CMSS1: variants seen among roughly 807,000 people sequenced by gnomAD.
CMSS1 encodes the protein cms1 ribosomal small subunit homolog, also known as protein CMSS1.
A neutral mutation model predicts 43.5 loss-of-function variants in CMSS1; 33 were observed. That is an observed-to-expected ratio of 0.76 (90% CI 0.57 to 1.01). The LOEUF is 1.01. Ranked by LOEUF, CMSS1 falls within the 50% of genes least tolerant of loss-of-function variation. The pLI is 0.00. For synonymous variants in CMSS1, 115 were observed against 117.2 expected (o/e 0.98, Z 0.12); for missense variants, 313 against 326.4 (o/e 0.96, Z 0.32).
In CMSS1 at chr3:99,818,039, C is replaced by G. The variant is rs749072696; in HGVS notation, c.60C>G (p.Ser20Arg). 1 of 1,613,528 alleles carries G rather than the reference C, an allele frequency of 6.2e-7. No individual in the cohort carries two copies. The highest frequency in any genetic ancestry group is 8.5e-7 in the Non-Finnish European group (1 of 1,179,870). Residue 20 changes from serine (S) to arginine (R), a missense_variant, in exon 1 of 10, where the codon AGC becomes AGG. Transcript: ENST00000421999. ...ACCAGCCGACTGGAGCAGGCAGCAGCCCAGGTACCCACTCTGTGCCCGCGC... is the reference window on the plus strand; with the variant it reads ...ACCAGCCGACTGGAGCAGGCAGCAGGCCAGGTACCCACTCTGTGCCCGCGC... ...WENQPTGAGS[S>R]PEASDGEGEG...
chr3:99,839,492 G>A (rs1943036657), intron 1 of CMSS1, among the ~76,000 whole-genome samples: 1 of 152,086 alleles, frequency 6.6e-6, no homozygotes, highest in Non-Finnish European at 1.5e-5. Context: ...CTTTTAGAAA[G>A]GTCTAAACAG....
intron 1 of CMSS1, among the ~76,000 whole-genome samples, chr3:100,046,855 A>G (rs1007931652): frequency 1.3e-5 from 2 of 152,210 alleles, no homozygotes; most frequent in African/African-American, 2.4e-5. Context: ...TGAGTGGCCA[A>G]GTAACCCAGT....
intron 1 of CMSS1, among the ~76,000 whole-genome samples, chr3:99,953,580 A>G (rs1182529490): frequency 6.6e-6 from 1 of 152,190 alleles, no homozygotes; most frequent in Non-Finnish European, 1.5e-5. Flanking sequence ...ATTTTTAAAG[A>G]ATTCAATAAA....
chr3:99,848,284 A>C, intron 1 of CMSS1: 1 of 1,613,798 alleles, frequency 6.2e-7, no homozygotes, highest in South Asian at 1.1e-5. Context: ...TCAGTTATAT[A>C]TATTACTTAC....
chr3:100,033,647 TGGTCA>T (rs1559733341), intron 1 of CMSS1, among the ~76,000 whole-genome samples: 1 of 152,162 alleles, frequency 6.6e-6, no homozygotes, highest in Non-Finnish European at 1.5e-5. Flanking sequence ...GCTTTTTAAA[TGGTCA>T]GTAGGAAATT....
chr3:99,909,120 A>T (rs1355296502), intron 1 of CMSS1, among the ~76,000 whole-genome samples: 1 of 152,218 alleles, frequency 6.6e-6, no homozygotes, highest in Non-Finnish European at 1.5e-5. Flanking sequence ...TTTCTTGAAC[A>T]AGTAGATGGC....
chr3:100,153,775 C>T (rs1200725660), intron 2 of CMSS1, among the ~76,000 whole-genome samples: 6 of 152,026 alleles, frequency 3.9e-5, no homozygotes, highest in Non-Finnish European at 7.4e-5. Context: ...GAGTAGTATT[C>T]AGTTATACAA....
At chr3:99,847,861 A>T in intron 1 of CMSS1, 1 of 824,300 alleles carries the variant, frequency 1.2e-6, no homozygotes, top group Non-Finnish European at 1.5e-6. Flanking sequence ...TAAGCAAAAG[A>T]CAAAATTCTA....
intron 1 of CMSS1, among the ~76,000 whole-genome samples, chr3:100,115,905 C>T (rs923584558): frequency 6.6e-6 from 1 of 152,090 alleles, no homozygotes; most frequent in African/African-American, 2.4e-5. Context: ...TGCCTTGTCT[C>T]TACGTTCCTT....
At chr3:100,061,180 T>C (rs2065559777) in intron 1 of CMSS1, among the ~76,000 whole-genome samples, 1 of 152,300 alleles carries the variant, frequency 6.6e-6, no homozygotes, top group Non-Finnish European at 1.5e-5. Context: ...GGGTACAATT[T>C]TTAGATTTTA....
At chr3:100,123,342 G>C (rs1382372295) in intron 1 of CMSS1, among the ~76,000 whole-genome samples, 1 of 152,214 alleles carries the variant, frequency 6.6e-6, no homozygotes, top group Non-Finnish European at 1.5e-5. Context: ...CAGGAGGTCA[G>C]CATGGCTGGG....
chr3:100,089,492 A>T (rs976272286), intron 1 of CMSS1, among the ~76,000 whole-genome samples: 2 of 152,242 alleles, frequency 1.3e-5, no homozygotes, highest in Non-Finnish European at 2.9e-5. Context: ...GGAGATGAAG[A>T]TATGAAGATT....
intron 1 of CMSS1, among the ~76,000 whole-genome samples, chr3:99,863,130 G>A (rs1944343187): frequency 6.6e-6 from 1 of 152,176 alleles, no homozygotes; most frequent in Non-Finnish European, 1.5e-5. Context: ...GAGGGTGGTG[G>A]TGGTGGATGG....
At chr3:100,084,676 C>A (rs1202681098) in intron 1 of CMSS1, among the ~76,000 whole-genome samples, 1 of 152,192 alleles carries the variant, frequency 6.6e-6, no homozygotes, top group Non-Finnish European at 1.5e-5. Flanking sequence ...GAAATTGTCA[C>A]TTACGTATAA....
intron 1 of CMSS1, among the ~76,000 whole-genome samples, chr3:100,077,132 G>C (rs955189930): frequency 3.3e-5 from 5 of 152,216 alleles, no homozygotes; most frequent in African/African-American, 1.2e-4. Context: ...TTTGAAAGAA[G>C]AGTGGATGCT....
intron 1 of CMSS1, among the ~76,000 whole-genome samples, chr3:99,893,356 G>A (rs891781265): frequency 2.0e-5 from 3 of 151,816 alleles, no homozygotes; most frequent in Non-Finnish European, 2.9e-5. Context: ...TAGTGGAGAC[G>A]GGGTTTCACT....
At chr3:99,881,090 A>T (rs1414588525) in intron 1 of CMSS1, among the ~76,000 whole-genome samples, 1 of 152,138 alleles carries the variant, frequency 6.6e-6, no homozygotes, top group Admixed American at 6.5e-5. Context: ...AAGGAAGTCT[A>T]TTTAATAAGG....
chr3:100,125,075 T>C (rs1021158244), intron 1 of CMSS1, among the ~76,000 whole-genome samples: 1 of 152,174 alleles, frequency 6.6e-6, no homozygotes, highest in Non-Finnish European at 1.5e-5. Flanking sequence ...TTCTTCTTAG[T>C]GCCACTCCAA....
intron 1 of CMSS1, among the ~76,000 whole-genome samples, chr3:99,818,648 G>A (rs182964055): frequency 2.6e-5 from 4 of 152,302 alleles, no homozygotes; most frequent in Non-Finnish European, 1.5e-5. Context: ...AGAACTGGAA[G>A]GAGGCTTAAA....
Sources: gnomAD v4.1 joint callset for allele counts (sites outside exome capture counted in the v4.1 genomes callset) on GRCh38, gnomAD v4.1.1 for gene constraint, MANE v1.5 for transcripts, NCBI Gene and HGNC (gene_info 2026-07-23, HGNC 2026-07-21) for gene names.